The following AP3B1 variants were observed in gnomAD, a reference collection of about 807,000 sequenced individuals.
AP3B1 encodes adaptor related protein complex 3 subunit beta 1, also known as AP-3 complex subunit beta-1.
Under a neutral mutation model 132.5 loss-of-function variants are expected in AP3B1, and 61 were observed. The observed-to-expected ratio is 0.46, with a 90% CI of 0.37 to 0.57. AP3B1 has a LOEUF of 0.57. AP3B1 is among the 20% of genes least tolerant of loss of function. The pLI is 0.00. For synonymous variants in AP3B1, 388 were observed against 438.3 expected, an observed-to-expected ratio of 0.89 and a Z score of 1.43; for missense variants, 1,120 against 1,289.4, an observed-to-expected ratio of 0.87 and a Z score of 2.01.
At chr5:78,015,659 T>C (rs931069557) in intron 25 of AP3B1, 111 bp from the exon 26 acceptor site, 9 of 966,848 alleles carry the variant, frequency 9.3e-6, no homozygotes, top group African/African-American at 3.3e-5. Context: ...AAAGAAACAC[T>C]ACTTTAGGAT....
At position 78,058,468 on chromosome 5, in the gene AP3B1, G is replaced by A. The variant is rs146433443; in HGVS notation, c.2578-19194C>T. On this transcript the variant is annotated intron_variant, in intron 22 of 26. Transcript: ENST00000255194. ...TGAGCCGAGACCGCGCCATTGCACT[G>A]CAGCCTGGACGACAGAGTGAGACTC... is the stretch of plus-strand genomic sequence containing the variant. Among the ~76,000 whole-genome samples the A allele has an allele frequency of 7.8e-3, 1,177 of 151,868 alleles. 15 individuals are homozygous for A. The highest frequency in any genetic ancestry group is 0.027 in the African/African-American group (1,107 of 41,416).
chr5:78,058,800 C>T (rs1404763939), intron 22 of AP3B1, among the ~76,000 whole-genome samples: 1 of 152,148 alleles, frequency 6.6e-6, no homozygotes, highest in Non-Finnish European at 1.5e-5. Flanking sequence ...AACATCATGA[C>T]CAGAGAATAC....
At chr5:78,226,276 A>G (rs1468045167) in intron 5 of AP3B1, among the ~76,000 whole-genome samples, 1 of 152,152 alleles carries the variant, frequency 6.6e-6, no homozygotes, top group African/African-American at 2.4e-5. Context: ...AGTGAGAAGC[A>G]TGATAAAACC....
intron 24 of AP3B1, among the ~76,000 whole-genome samples, chr5:78,025,156 G>A (rs1747288179): frequency 1.3e-5 from 2 of 152,062 alleles, no homozygotes; most frequent in Admixed American, 1.3e-4. Context: ...TCAAAAGTTA[G>A]GGAACCACTG....
intron 4 of AP3B1, 138 bp from the exon 5 acceptor site, chr5:78,227,670 A>C: frequency 1.3e-6 from 1 of 783,942 alleles, no homozygotes; most frequent in Non-Finnish European, 2.1e-6. Context: ...AAAATGAACA[A>C]TTAGTATATA....
chr5:78,241,019 T>C, intron 2 of AP3B1, 83 bp from the exon 3 acceptor site: 1 of 968,132 alleles, frequency 1.0e-6, no homozygotes, highest in South Asian at 1.4e-5. Context: ...ATAAGCTACG[T>C]AATTAACCGC....
At chr5:78,290,061 G>T (rs1749447444) in intron 1 of AP3B1, among the ~76,000 whole-genome samples, 1 of 152,102 alleles carries the variant, frequency 6.6e-6, no homozygotes, top group Non-Finnish European at 1.5e-5. Context: ...TCCTAGTTTA[G>T]AAATCACTTT....
At chr5:78,242,101 G>T (rs1032658237) in intron 2 of AP3B1, among the ~76,000 whole-genome samples, 3 of 152,088 alleles carry the variant, frequency 2.0e-5, no homozygotes, top group Non-Finnish European at 4.4e-5. Context: ...GCACATGTCA[G>T]CCCCCGTAAA....
intron 1 of AP3B1, among the ~76,000 whole-genome samples, chr5:78,276,093 T>C (rs1307977185): frequency 6.6e-6 from 1 of 151,128 alleles, no homozygotes; most frequent in Non-Finnish European, 1.5e-5. Context: ...TGAGATAGGG[T>C]CTTGCTCTAT....
At chr5:78,096,597 G>A (rs1750799447) in intron 21 of AP3B1, among the ~76,000 whole-genome samples, 1 of 151,320 alleles carries the variant, frequency 6.6e-6, no homozygotes, top group Non-Finnish European at 1.5e-5. Context: ...CATCGTCTGA[G>A]ATGTGGGGAG....
intron 22 of AP3B1, among the ~76,000 whole-genome samples, chr5:78,053,260 T>A (rs930785847): frequency 1.3e-5 from 2 of 152,236 alleles, no homozygotes; most frequent in East Asian, 1.9e-4. Context: ...TCCTCTTTTC[T>A]GTCCCTCTAC....
At chr5:78,184,238 G>A (rs1010021557) in intron 7 of AP3B1, among the ~76,000 whole-genome samples, 17 of 151,724 alleles carry the variant, frequency 1.1e-4, no homozygotes, top group African/African-American at 3.9e-4. Context: ...AACTGTTAAC[G>A]ACTGGCAAAT....
At chr5:78,150,775 A>T (rs536368155) in intron 14 of AP3B1, among the ~76,000 whole-genome samples, 14 of 150,658 alleles carry the variant, frequency 9.3e-5, no homozygotes, top group East Asian at 5.8e-4. Context: ...TTATTTATTT[A>T]TTTTTTTTTT....
chr5:78,200,235 G>C (rs1745235508), intron 7 of AP3B1, among the ~76,000 whole-genome samples: 1 of 151,950 alleles, frequency 6.6e-6, no homozygotes, highest in African/African-American at 2.4e-5. Flanking sequence ...GCCAAGCAGG[G>C]GGAGGGGGGA....
intron 12 of AP3B1, among the ~76,000 whole-genome samples, chr5:78,164,365 C>T (rs1273998981): frequency 2.0e-5 from 3 of 151,774 alleles, no homozygotes; most frequent in African/African-American, 7.3e-5. Context: ...ACTAGATGAC[C>T]AATATTTTGA....
intron 22 of AP3B1, chr5:78,042,022 TC>T: frequency 4.8e-6 from 1 of 209,504 alleles, no homozygotes; most frequent in Non-Finnish European, 1.0e-5. Flanking sequence ...CTGCACTTGC[TC>T]CACAAACACA....
chr5:78,072,778 A>G (rs989806845), intron 22 of AP3B1, among the ~76,000 whole-genome samples: 26 of 127,736 alleles, frequency 2.0e-4, no homozygotes, highest in Non-Finnish European at 3.5e-4. Context: ...CTGGAGTGCA[A>G]TGGTGCAATC....
At chr5:78,201,463 A>G (rs1745285777) in intron 7 of AP3B1, among the ~76,000 whole-genome samples, 3 of 152,350 alleles carry the variant, frequency 2.0e-5, no homozygotes, top group Admixed American at 1.3e-4. Context: ...ATTCAGCAAA[A>G]TAACACTGAA....
chr5:78,097,041 G>A (rs1466802271), intron 21 of AP3B1, among the ~76,000 whole-genome samples: 18 of 118,046 alleles, frequency 1.5e-4, no homozygotes, highest in East Asian at 2.4e-4. Context: ...CCGGCCAGCC[G>A]CCCCGTCCGG....
Sources: gnomAD v4.1 joint callset for allele counts (sites outside exome capture counted in the v4.1 genomes callset) on GRCh38, gnomAD v4.1.1 for gene constraint, MANE v1.5 for transcripts, NCBI Gene and HGNC (gene_info 2026-07-23, HGNC 2026-07-21) for gene names.